Variants in ANKRD13C observed in about 807,000 individuals in gnomAD.
ANKRD13C encodes ankyrin repeat domain 13C.
In ANKRD13C, 16 loss-of-function variants were observed where a neutral mutation model predicts 65.5. The ratio of observed to expected loss-of-function variants is 0.24; its 90% CI spans 0.17 to 0.37. ANKRD13C has a LOEUF of 0.37. Among genes scored for constraint, ANKRD13C ranks in the 10% least tolerant of loss-of-function variants. The probability of loss-of-function intolerance (pLI) is 1.00; values close to 1 mark genes in which losing one functional copy is unlikely to be tolerated. For missense variants in ANKRD13C, 503 were observed against 655.9 expected, an observed-to-expected ratio of 0.77 and a Z score of 2.55; for synonymous variants, 235 against 238.7, an observed-to-expected ratio of 0.98 and a Z score of 0.14.
intron 5 of ANKRD13C, 63 bp from the exon 6 acceptor site, chr1:70,306,353 T>G (rs1680587263): frequency 9.2e-7 from 1 of 1,084,634 alleles, no homozygotes; most frequent in African/African-American, 1.6e-5. Flanking sequence ...TTACAAACTT[T>G]TAAATTAAAA....
At chr1:70,307,561 T>C (rs980867595) in intron 5 of ANKRD13C, among the ~76,000 whole-genome samples, 5 of 152,238 alleles carry the variant, frequency 3.3e-5, no homozygotes, top group African/African-American at 1.2e-4. Flanking sequence ...TTCTGAATTT[T>C]AGTGCAAAAA....
At chr1:70,328,911 T>C (rs1681664501) in intron 2 of ANKRD13C, among the ~76,000 whole-genome samples, 1 of 152,178 alleles carries the variant, frequency 6.6e-6, no homozygotes, top group African/African-American at 2.4e-5. Context: ...AACCATTGGG[T>C]TTTGTAAATA....
chr1:70,302,202 C>A (rs1054559461), intron 6 of ANKRD13C, among the ~76,000 whole-genome samples: 1 of 151,174 alleles, frequency 6.6e-6, no homozygotes, highest in African/African-American at 2.4e-5. Context: ...ACACTACTGA[C>A]AATTCTGCCA....
chr1:70,342,105 G>A (rs1178906964), intron 1 of ANKRD13C, among the ~76,000 whole-genome samples: 2 of 151,754 alleles, frequency 1.3e-5, no homozygotes, highest in Non-Finnish European at 2.9e-5. Context: ...GCGGCCAGGT[G>A]AAAGGGGAGG....
rs1682600114 is a variant in ANKRD13C, at chr1:70,347,970, GC to G, written c.430+6008del. ...TAAAAAGAAACCTACAAAACACAAA[GC>G]AAACAAACAAACATAAAACTACTAA... On this transcript the variant is annotated intron_variant, in intron 1 of 12. Coordinates refer to ENST00000370944, the MANE Select transcript of ANKRD13C (RefSeq NM_030816.5). 2.6e-5 allele frequency among the ~76,000 whole-genome samples: 4 copies of G among 152,076 alleles called. No individual in the cohort carries two copies. In the South Asian group the frequency reaches 6.2e-4, roughly 24 times the overall value.
At chr1:70,320,822 C>T (rs1217614785) in intron 3 of ANKRD13C, among the ~76,000 whole-genome samples, 2 of 151,598 alleles carry the variant, frequency 1.3e-5, no homozygotes, top group East Asian at 4.0e-4. Context: ...CAGGGTCTCA[C>T]TCTGTCACCC....
At position 70,274,960 on chromosome 1, in the gene ANKRD13C, G is replaced by C. The variant is rs1572031923; in HGVS notation, c.1296-142C>G. Reference sequence around the variant, plus strand: ...CTACAGAAATAAAGTTATGCTAAAAGGGAATAAGATATGTATAAGAAATTA... The same window carrying C: ...CTACAGAAATAAAGTTATGCTAAAACGGAATAAGATATGTATAAGAAATTA... On this transcript the variant is annotated intron_variant, in intron 10 of 12. Transcript: ENST00000370944. The C allele has an allele frequency of 2.6e-5, 15 of 569,748 alleles. No individual in the cohort carries two copies. In the East Asian group the frequency reaches 4.0e-4, roughly 15 times the overall value. 35.3% of individuals were successfully genotyped at this position (569,748 alleles called of 1,614,324 possible). A position where few individuals can be genotyped will look rare whatever the true frequency, so the allele number is the denominator to read the frequency against.
In ANKRD13C at chr1:70,354,652, C is replaced by G. The variant is rs1682921762; in HGVS notation, c.-244G>C. The G allele has an allele frequency of 3.1e-6, 3 of 955,986 alleles. No homozygotes were observed. The Admixed American group carries it at 8.8e-5, about 28-fold the overall frequency. The allele number at this position is 955,986 out of a possible 1,614,324, so 59.2% of individuals were successfully genotyped here. A position where few individuals can be genotyped will look rare whatever the true frequency, so the allele number is the denominator to read the frequency against. ...TCAGGTGCCCACGACACCAGGATCT[C>G]AGTCTCGCCGTCGCAGCCGCCGTCG... is the stretch of plus-strand genomic sequence containing the variant. On this transcript the variant is annotated 5_prime_UTR_variant, in exon 1 of 13. Transcript: ENST00000370944.
intron 3 of ANKRD13C, among the ~76,000 whole-genome samples, chr1:70,320,921 C>G (rs1429219614): frequency 2.0e-5 from 3 of 152,040 alleles, no homozygotes; most frequent in African/African-American, 7.2e-5. Flanking sequence ...TCCCGCGTAG[C>G]TGGGACTACA....
Position 70,276,789 on chromosome 1 carries a change from T to C in ANKRD13C, c.1271A>G (p.Glu424Gly). The change falls in exon 10 of 13, where the codon GAA (glutamate) becomes GGA (glycine). Residue 424 changes from glutamate to glycine, a missense_variant. Physicochemically the swap from Glu to Gly is moderately conservative, Grantham distance 98 (BLOSUM62 -2). Coordinates refer to ENST00000370944, the MANE Select transcript of ANKRD13C (RefSeq NM_030816.5). ...CTTTCCATTTTCAGCAGATATATATTCTTCCCATGTAATAGTGTTCTGAGG... is the reference window on the plus strand; with the variant it reads ...CTTTCCATTTTCAGCAGATATATATCCTTCCCATGTAATAGTGTTCTGAGG... ...PPPQNTITWE[E>G]YISAENGKAP... 3 of 1,602,896 alleles carry C rather than the reference T, an allele frequency of 1.9e-6. No individual in the cohort carries two copies. Among genetic ancestry groups the C allele is most frequent in the Non-Finnish European group, 2.5e-6 (3 of 1,177,238 alleles).
At chr1:70,327,102 A>G (rs1332302252) in intron 2 of ANKRD13C, among the ~76,000 whole-genome samples, 1 of 152,144 alleles carries the variant, frequency 6.6e-6, no homozygotes, top group African/African-American at 2.4e-5. Context: ...ACATGGAACC[A>G]AAGTATTGTC....
At chr1:70,285,444 C>T (rs1679579484) in intron 9 of ANKRD13C, among the ~76,000 whole-genome samples, 1 of 151,990 alleles carries the variant, frequency 6.6e-6, no homozygotes, top group African/African-American at 2.4e-5. Context: ...ATCCGGTCGC[C>T]TCAGCCTCAC....
intron 5 of ANKRD13C, among the ~76,000 whole-genome samples, chr1:70,312,342 C>T (rs1338845241): frequency 6.6e-6 from 1 of 151,310 alleles, no homozygotes; most frequent in Non-Finnish European, 1.5e-5. Context: ...ATAGACTAGG[C>T]CTAAAACTGT....
intron 1 of ANKRD13C, among the ~76,000 whole-genome samples, chr1:70,344,064 G>A (rs532651819): frequency 2.0e-5 from 3 of 152,164 alleles, no homozygotes; most frequent in East Asian, 1.9e-4. Context: ...TTCAGAGGCC[G>A]AGGCGGATAG....
chr1:70,328,870 G>C (rs1230250823), intron 2 of ANKRD13C, among the ~76,000 whole-genome samples: 2 of 151,982 alleles, frequency 1.3e-5, no homozygotes, highest in African/African-American at 4.8e-5. Context: ...TTTTTAAAAA[G>C]AATAAAAACA....
At chr1:70,312,452 G>A (rs1056469089) in intron 5 of ANKRD13C, among the ~76,000 whole-genome samples, 1 of 151,460 alleles carries the variant, frequency 6.6e-6, no homozygotes, top group African/African-American at 2.4e-5. Context: ...CACTGGATGG[G>A]GCTAAGTACT....
chr1:70,278,092 G>C (rs990251017), intron 9 of ANKRD13C, among the ~76,000 whole-genome samples: 1 of 151,832 alleles, frequency 6.6e-6, no homozygotes, highest in Admixed American at 6.6e-5. Flanking sequence ...GAAAAGCTGA[G>C]GCGGGAGGAT....
chr1:70,305,289 T>TG, intron 6 of ANKRD13C, among the ~76,000 whole-genome samples: 1 of 152,298 alleles, frequency 6.6e-6, no homozygotes, highest in Admixed American at 6.5e-5. Flanking sequence ...CTTTGTGTCA[T>TG]GGTGAGAAGA....
chr1:70,330,045 C>A, intron 2 of ANKRD13C, among the ~76,000 whole-genome samples: 1 of 149,198 alleles, frequency 6.7e-6, no homozygotes, highest in Non-Finnish European at 1.5e-5. Context: ...AGCCGAGATG[C>A]ACCACTGCAC....
Sources: gnomAD v4.1 joint callset for allele counts (sites outside exome capture counted in the v4.1 genomes callset) on GRCh38, gnomAD v4.1.1 for gene constraint, MANE v1.5 for transcripts, NCBI Gene and HGNC (gene_info 2026-07-23, HGNC 2026-07-21) for gene names.